SPATA18: variants seen among roughly 807,000 people sequenced by gnomAD.
The protein encoded by SPATA18 is mitochondria-eating protein.
In SPATA18, 54 loss-of-function variants were observed where a neutral mutation model predicts 68.1. The observed-to-expected ratio is 0.79, with a 90% CI of 0.64 to 0.99. The LOEUF is 0.99. Among genes scored for constraint, SPATA18 ranks in the 50% least tolerant of loss-of-function variants. SPATA18 has a pLI of 0.00. For missense variants in SPATA18, 724 were observed against 681.1 expected, an observed-to-expected ratio of 1.06 and a Z score of -0.70; for synonymous variants, 242 against 244.8, an observed-to-expected ratio of 0.99 and a Z score of 0.11.
chr4:52,059,534 C>T (rs1738649111), intron 1 of SPATA18, among the ~76,000 whole-genome samples: 1 of 152,220 alleles, frequency 6.6e-6, no homozygotes, highest in Admixed American at 6.5e-5. Context: ...TAGAATGTTT[C>T]ACAACCACTG....
At chr4:52,090,657 T>C (rs1183536802) in intron 11 of SPATA18, among the ~76,000 whole-genome samples, 1 of 152,226 alleles carries the variant, frequency 6.6e-6, no homozygotes, top group Non-Finnish European at 1.5e-5. Context: ...ATTCACTCAC[T>C]GTTAGTATGA....
At chr4:52,070,881 G>T (rs938020657) in intron 5 of SPATA18, among the ~76,000 whole-genome samples, 7 of 39,866 alleles carry the variant, frequency 1.8e-4, no homozygotes, top group Admixed American at 4.0e-4. Context: ...AAGAGTAAGT[G>T]GGGGGGGGGG....
At chr4:52,063,155 T>TA (rs1306000251) in intron 4 of SPATA18, among the ~76,000 whole-genome samples, 3 of 152,204 alleles carry the variant, frequency 2.0e-5, no homozygotes, top group East Asian at 1.9e-4. Flanking sequence ...AATCTTTTTT[T>TA]AAAAAAAATT....
chr4:52,066,973 T>C (rs1739369930), intron 4 of SPATA18, among the ~76,000 whole-genome samples: 1 of 152,228 alleles, frequency 6.6e-6, no homozygotes, highest in East Asian at 1.9e-4. Flanking sequence ...TACATGTGCA[T>C]GTATCAATAA....
intron 1 of SPATA18, 49 bp downstream of exon 1, chr4:52,051,840 G>C: frequency 6.5e-7 from 1 of 1,537,708 alleles, no homozygotes; most frequent in East Asian, 2.2e-5. Flanking sequence ...ATAGGTTCCA[G>C]CACAGCCCTT....
intron 11 of SPATA18, among the ~76,000 whole-genome samples, chr4:52,088,479 G>T (rs185657916): frequency 4.7e-4 from 71 of 152,238 alleles, no homozygotes; most frequent in Non-Finnish European, 7.5e-4. Flanking sequence ...GAGTTTTTTA[G>T]CATGAAGGCG....
chr4:52,076,909 G>C lies in SPATA18; in HGVS notation c.889G>C (p.Ala297Pro). 6.2e-7 allele frequency: 1 copy of C among 1,614,198 alleles called. No homozygotes were observed. Among genetic ancestry groups the C allele is most frequent in the Non-Finnish European group, 8.5e-7 (1 of 1,180,042 alleles). The change falls in exon 7 of 13, where the codon GCG (alanine) becomes CCG (proline). Residue 297 changes from alanine (A) to proline (P), a missense_variant. Coordinates refer to ENST00000295213, the MANE Select transcript of SPATA18 (RefSeq NM_145263.4). Reference protein sequence around the residue: ...SPNRSKLSNVARKAALLSRFS... With the variant: ...SPNRSKLSNVPRKAALLSRFS... ...AAACCGCTCCAAGCTGTCCAATGTG[G>C]CGCGCAAGGCTGCCCTCTTGTCCCG...
At chr4:52,086,329 A>G (rs1190630942) in intron 11 of SPATA18, among the ~76,000 whole-genome samples, 2 of 152,130 alleles carry the variant, frequency 1.3e-5, no homozygotes, top group Admixed American at 1.3e-4. Flanking sequence ...TTACATAGGT[A>G]TACACGTGCC....
At chr4:52,065,095 G>C (rs1166604350) in intron 4 of SPATA18, among the ~76,000 whole-genome samples, 1 of 151,818 alleles carries the variant, frequency 6.6e-6, no homozygotes, top group Non-Finnish European at 1.5e-5. Context: ...GTCCATTCAT[G>C]TCCTTTGCCC....
At chr4:52,085,529 G>A (rs1439901659) in intron 11 of SPATA18, among the ~76,000 whole-genome samples, 1 of 152,106 alleles carries the variant, frequency 6.6e-6, no homozygotes, top group Non-Finnish European at 1.5e-5. Context: ...AAAAATAACA[G>A]CAAAAACATC....
At chr4:52,076,389 A>G (rs1251614246) in intron 6 of SPATA18, among the ~76,000 whole-genome samples, 2 of 152,226 alleles carry the variant, frequency 1.3e-5, no homozygotes, top group Non-Finnish European at 2.9e-5. Flanking sequence ...AGACCAGAAC[A>G]TATCCTTTTT....
chr4:52,082,804 C>G (rs1741060953), intron 10 of SPATA18: 5 of 1,212,596 alleles, frequency 4.1e-6, no homozygotes, highest in Non-Finnish European at 5.2e-6. Context: ...AAAACAAAGC[C>G]CTTTGAAGTT....
intron 10 of SPATA18, chr4:52,083,125 G>A (rs1437854905): frequency 3.0e-6 from 3 of 985,406 alleles, no homozygotes; most frequent in Non-Finnish European, 3.6e-6. Context: ...CCGTATGTGA[G>A]CATGTGGGTG....
rs150486206 is a variant in SPATA18, at chr4:52,084,972, C to G, written c.1536C>G (p.Cys512Trp). 1.9e-6 allele frequency: 3 copies of G among 1,613,588 alleles called. No homozygotes were observed. In the African/African-American group the frequency reaches 4.0e-5, roughly 22 times the overall value. ...GAAGCAGGAGTTTAAGTCCCATTTG[C>G]CCCCGTAGCCAAATTGGTTTAAACA... ...RCRSRSLSPICPRSQIGLNTM... is the reference protein window; with the variant it reads ...RCRSRSLSPIWPRSQIGLNTM... Residue 512 changes from cysteine to tryptophan, a missense_variant, in exon 11 of 13, where the codon TGC becomes TGG. By Grantham distance (215) the Cys-to-Trp change is radical. Coordinates refer to ENST00000295213, the MANE Select transcript of SPATA18 (RefSeq NM_145263.4).
rs1390717371 is a variant in SPATA18, at chr4:52,085,007, T to C, written c.1563+8T>C. 1.9e-6 allele frequency: 3 copies of C among 1,602,304 alleles called. No homozygotes were observed. Among genetic ancestry groups the C allele is most frequent in the Admixed American group, 1.7e-5 (1 of 59,184 alleles). On this transcript the variant is annotated splice_region_variant and intron_variant, in intron 11 of 12. Coordinates refer to ENST00000295213, the MANE Select transcript of SPATA18 (RefSeq NM_145263.4). ...CAAATTGGTTTAAACACGGTACATATCTATCTAATCATTTTTACACAAAAT... is the reference window on the plus strand; with the variant it reads ...CAAATTGGTTTAAACACGGTACATACCTATCTAATCATTTTTACACAAAAT...
chr4:52,058,638 CA>C (rs1738559368), intron 1 of SPATA18, among the ~76,000 whole-genome samples: 1 of 152,116 alleles, frequency 6.6e-6, no homozygotes, highest in Non-Finnish European at 1.5e-5. Context: ...TCTTATAACC[CA>C]GGAATACTCA....
chr4:52,059,655 G>A lies in SPATA18; in HGVS notation c.88-764G>A, dbSNP rs751622279. On this transcript the variant is annotated intron_variant, in intron 1 of 12. Transcript: ENST00000295213. ...CAATGGACTCTTGGGTAGAGCTTGC[G>A]CTCATCTGTGTAGGTAAGACTTATT... 4.6e-5 allele frequency among the ~76,000 whole-genome samples: 7 copies of A among 152,280 alleles called. 1 individual carries two copies. The highest frequency in any genetic ancestry group is 6.5e-5 in the Admixed American group (1 of 15,294).
chr4:52,072,288 T>C (rs889066954), intron 6 of SPATA18, 132 bp downstream of exon 6: 2 of 1,393,698 alleles, frequency 1.4e-6, no homozygotes, highest in Admixed American at 5.3e-5. Flanking sequence ...AAGCTTTGAA[T>C]TGTAAAGGGA....
At chr4:52,064,620 T>G (rs754719799) in intron 4 of SPATA18, among the ~76,000 whole-genome samples, 10 of 152,256 alleles carry the variant, frequency 6.6e-5, no homozygotes, top group Non-Finnish European at 1.2e-4. Context: ...TTTCATTGTA[T>G]GGCTGAGCAG....
Sources: allele counts gnomAD v4.1 joint callset (sites outside exome capture counted in the v4.1 genomes callset), GRCh38; gene constraint gnomAD v4.1.1; transcripts MANE v1.5; gene names NCBI Gene and HGNC (gene_info 2026-07-23, HGNC 2026-07-21).